Variants in CHCHD6 observed in about 807,000 individuals in gnomAD.
CHCHD6 encodes coiled-coil-helix-coiled-coil-helix domain containing 6.
A neutral mutation model predicts 32.3 loss-of-function variants in CHCHD6; 28 were observed. That is an observed-to-expected ratio of 0.87 (90% CI 0.64 to 1.19). The LOEUF (loss-of-function observed/expected upper bound fraction) is 1.19, where lower values mean the gene tolerates loss of function less well. Ranked by LOEUF, CHCHD6 falls within the 50% of genes most tolerant of loss-of-function variation. CHCHD6 has a pLI of 0.00. For missense variants in CHCHD6, 333 were observed against 307.0 expected, an observed-to-expected ratio of 1.08 and a Z score of -0.63; for synonymous variants, 122 against 117.5, an observed-to-expected ratio of 1.04 and a Z score of -0.25.
At chr3:126,957,263 G>A in intron 6 of CHCHD6, 153 bp from the exon 7 acceptor site, 1 of 844,748 alleles carries the variant, frequency 1.2e-6, no homozygotes, top group Non-Finnish European at 1.8e-6. Flanking sequence ...GAACGGGAAA[G>A]CACAGTGCTT....
intron 4 of CHCHD6, among the ~76,000 whole-genome samples, chr3:126,770,125 C>T (rs1937517890): frequency 6.6e-6 from 1 of 152,072 alleles, no homozygotes; most frequent in Non-Finnish European, 1.5e-5. Flanking sequence ...GGATTGTGCT[C>T]TTGATTTGGC....
At chr3:126,934,321 T>C (rs1488653257) in intron 6 of CHCHD6, among the ~76,000 whole-genome samples, 2 of 151,780 alleles carry the variant, frequency 1.3e-5, no homozygotes, top group Non-Finnish European at 2.9e-5. Context: ...TGCCCGGGAG[T>C]TTTACTTAAG....
At chr3:126,946,375 T>G (rs1198122152) in intron 6 of CHCHD6, among the ~76,000 whole-genome samples, 2 of 152,264 alleles carry the variant, frequency 1.3e-5, no homozygotes, top group Non-Finnish European at 2.9e-5. Context: ...TGGCCCTTTC[T>G]TCTTTCCGTG....
At position 126,788,912 on chromosome 3, in the gene CHCHD6, T is replaced by C. The variant is rs569550374; in HGVS notation, c.411+55690T>C. Among the ~76,000 whole-genome samples, 103 of 152,306 alleles carry C rather than the reference T, an allele frequency of 6.8e-4. 1 individual carries two copies. The highest frequency in any genetic ancestry group is 2.1e-3 in the African/African-American group (86 of 41,538). On this transcript the variant is annotated intron_variant, in intron 4 of 7. Coordinates refer to ENST00000290913, the MANE Select transcript of CHCHD6 (RefSeq NM_032343.3). ...TTCTCTAGTTCTTTTAATTGTGATG[T>C]CAGGATGTCAATTTTAGATCTTTCC...
intron 4 of CHCHD6, among the ~76,000 whole-genome samples, chr3:126,790,033 C>A (rs185744567): frequency 0.014 from 2,193 of 151,900 alleles, 26 homozygotes; most frequent in African/African-American, 0.035. Flanking sequence ...GTGACAAAAT[C>A]TCTCAGCATT....
chr3:126,856,837 C>A lies in CHCHD6; in HGVS notation c.495+4107C>A, dbSNP rs540141856. Among the ~76,000 whole-genome samples, 9 of 152,256 alleles carry A rather than the reference C, an allele frequency of 5.9e-5. No homozygotes were observed. The South Asian group carries it at 1.9e-3, about 32-fold the overall frequency. ...TGAGTAGGCTTTGGGGTCCAGCAGA[C>A]CTCAGTTTAGTTCTGCCTCAGTCAT... On this transcript the variant is annotated intron_variant, in intron 5 of 7. Coordinates refer to ENST00000290913, the MANE Select transcript of CHCHD6 (RefSeq NM_032343.3).
At chr3:126,907,294 C>T (rs1370633680) in intron 5 of CHCHD6, among the ~76,000 whole-genome samples, 3 of 152,234 alleles carry the variant, frequency 2.0e-5, no homozygotes, top group Non-Finnish European at 4.4e-5. Context: ...GAGGGGTCTC[C>T]CTCTCCAGAT....
At position 126,735,343 on chromosome 3, in the gene CHCHD6, G is replaced by A. The variant is rs570262481; in HGVS notation, c.411+2121G>A. Among the ~76,000 whole-genome samples the A allele has an allele frequency of 2.6e-5, 4 of 152,318 alleles. No homozygotes were observed. In the East Asian group the frequency reaches 7.7e-4, roughly 29 times the overall value. On this transcript the variant is annotated intron_variant, in intron 4 of 7. Transcript: ENST00000290913. ...AAGAACTTGATTCCCATCCCCCTCAGGTCTCTAGATGGATAATAATCCCCT... is the reference window on the plus strand; with the variant it reads ...AAGAACTTGATTCCCATCCCCCTCAAGTCTCTAGATGGATAATAATCCCCT...
At chr3:126,834,986 G>C (rs1940794912) in intron 4 of CHCHD6, among the ~76,000 whole-genome samples, 1 of 152,200 alleles carries the variant, frequency 6.6e-6, no homozygotes, top group Admixed American at 6.5e-5. Flanking sequence ...GCCATGGGCA[G>C]TATTTGTAGC....
chr3:126,838,032 G>A lies in CHCHD6; in HGVS notation c.412-14615G>A, dbSNP rs116404240. On this transcript the variant is annotated intron_variant, in intron 4 of 7. Transcript: ENST00000290913. ...ACCATGTCCACAGTGCAGATGGGGC[G>A]GGGGAGCAGTGTCAGCACTGCAGCC... Among the ~76,000 whole-genome samples, 1,296 of 152,246 alleles carry A rather than the reference G, an allele frequency of 8.5e-3. 13 individuals are homozygous for A. Among genetic ancestry groups the A allele is most frequent in the Non-Finnish European group, 0.012 (829 of 68,026 alleles).
chr3:126,780,122 C>A (rs994413724), intron 4 of CHCHD6, among the ~76,000 whole-genome samples: 1 of 152,194 alleles, frequency 6.6e-6, no homozygotes, highest in Non-Finnish European at 1.5e-5. Context: ...TGTGATGCAT[C>A]TGTGTTTGTC....
chr3:126,951,681 A>C (rs1166292689), intron 6 of CHCHD6, among the ~76,000 whole-genome samples: 2 of 152,216 alleles, frequency 1.3e-5, no homozygotes, highest in Middle Eastern at 3.2e-3. Flanking sequence ...GTCGGCCACC[A>C]GAGGTGTGAG....
chr3:126,809,115 G>A (rs1485762248), intron 4 of CHCHD6, among the ~76,000 whole-genome samples: 1 of 152,120 alleles, frequency 6.6e-6, no homozygotes, highest in Non-Finnish European at 1.5e-5. Flanking sequence ...GGGATTACAG[G>A]CATATGCCAC....
intron 5 of CHCHD6, among the ~76,000 whole-genome samples, chr3:126,895,209 C>T (rs2077821030): frequency 6.6e-6 from 1 of 152,204 alleles, no homozygotes; most frequent in Non-Finnish European, 1.5e-5. Context: ...ACCTTCAAAT[C>T]AATGTGATCT....
intron 5 of CHCHD6, among the ~76,000 whole-genome samples, chr3:126,882,115 C>T (rs2077618602): frequency 6.6e-6 from 1 of 152,172 alleles, no homozygotes; most frequent in African/African-American, 2.4e-5. Context: ...CCCATAGTGT[C>T]CTTCTCAGGG....
intron 4 of CHCHD6, among the ~76,000 whole-genome samples, chr3:126,802,948 C>T (rs1424286067): frequency 6.6e-6 from 1 of 152,060 alleles, no homozygotes; most frequent in Non-Finnish European, 1.5e-5. Flanking sequence ...CCCAGAATTT[C>T]ATATCCAGCC....
At chr3:126,864,278 C>T (rs1423929998) in intron 5 of CHCHD6, among the ~76,000 whole-genome samples, 1 of 151,422 alleles carries the variant, frequency 6.6e-6, no homozygotes, top group Non-Finnish European at 1.5e-5. Flanking sequence ...CCATCACCAC[C>T]TCCTCCTCCA....
intron 6 of CHCHD6, among the ~76,000 whole-genome samples, chr3:126,928,352 G>C (rs570198862): frequency 1.4e-4 from 22 of 152,314 alleles, no homozygotes; most frequent in Admixed American, 4.6e-4. Context: ...CTAGACCATG[G>C]GAAGAAAGTT....
At chr3:126,772,459 C>G (rs1304439868) in intron 4 of CHCHD6, among the ~76,000 whole-genome samples, 2 of 152,152 alleles carry the variant, frequency 1.3e-5, no homozygotes, top group Non-Finnish European at 2.9e-5. Flanking sequence ...ATAGTTAGGT[C>G]TTCGTGTTAA....
Sources: allele counts gnomAD v4.1 joint callset (sites outside exome capture counted in the v4.1 genomes callset), GRCh38; gene constraint gnomAD v4.1.1; transcripts MANE v1.5; gene names NCBI Gene and HGNC (gene_info 2026-07-23, HGNC 2026-07-21).